The following CAMKK2 variants were observed in gnomAD, a reference collection of about 807,000 sequenced individuals.
CAMKK2 encodes the protein calcium/calmodulin dependent protein kinase kinase 2.
In CAMKK2, 30 loss-of-function variants were observed where a neutral mutation model predicts 67.2. That is an observed-to-expected ratio of 0.45 (90% CI 0.33 to 0.61). CAMKK2 has a LOEUF of 0.61. CAMKK2 is among the 20% of genes least tolerant of loss of function. The probability of loss-of-function intolerance (pLI) is 0.02; values close to 1 mark genes in which losing one functional copy is unlikely to be tolerated. For synonymous variants in CAMKK2, 322 were observed against 326.2 expected (o/e 0.99, Z 0.14); for missense variants, 643 against 802.0 (o/e 0.80, Z 2.39).
intron 13 of CAMKK2, among the ~76,000 whole-genome samples, 157 bp from the exon 14 acceptor site, chr12:121,248,891 G>A (rs1890060976): frequency 6.6e-6 from 1 of 152,234 alleles, no homozygotes; most frequent in Non-Finnish European, 1.5e-5. Context: ...GGTGAGCAAA[G>A]GGGCGGAAAC....
At chr12:121,260,719 G>A (rs1390360182) in intron 6 of CAMKK2, among the ~76,000 whole-genome samples, 1 of 152,086 alleles carries the variant, frequency 6.6e-6, no homozygotes, top group Non-Finnish European at 1.5e-5. Context: ...TTGGGAGGCC[G>A]AGGCGGGCGG....
chr12:121,282,459 A>G (rs1243678813), intron 1 of CAMKK2, among the ~76,000 whole-genome samples: 2 of 152,166 alleles, frequency 1.3e-5, no homozygotes, highest in African/African-American at 4.8e-5. Flanking sequence ...GAGATTATGA[A>G]GTTAAAATGA....
At chr12:121,255,730 A>C in intron 8 of CAMKK2, 53 bp downstream of exon 8, 1 of 1,609,814 alleles carries the variant, frequency 6.2e-7, no homozygotes, top group Non-Finnish European at 8.5e-7. Flanking sequence ...TCACTCAGCT[A>C]TGCAGCTACA....
chr12:121,268,018 C>T (rs918926416), intron 5 of CAMKK2, among the ~76,000 whole-genome samples: 5 of 145,508 alleles, frequency 3.4e-5, no homozygotes, highest in Admixed American at 1.4e-4. Flanking sequence ...TTCAAGACCC[C>T]TCTGTGTTGG....
intron 5 of CAMKK2, among the ~76,000 whole-genome samples, chr12:121,265,827 C>T (rs1350688167): frequency 6.6e-6 from 1 of 151,616 alleles, no homozygotes; most frequent in African/African-American, 2.4e-5. Context: ...CACTGTACTC[C>T]AGCCTGGTGA....
chr12:121,257,757 G>A (rs1892632254), intron 7 of CAMKK2, among the ~76,000 whole-genome samples: 1 of 152,122 alleles, frequency 6.6e-6, no homozygotes, highest in Non-Finnish European at 1.5e-5. Flanking sequence ...AGGCAATGCT[G>A]CTAAGGTACA....
chr12:121,291,985 G>C (rs983019167), intron 1 of CAMKK2, among the ~76,000 whole-genome samples: 5 of 151,976 alleles, frequency 3.3e-5, no homozygotes, highest in African/African-American at 7.2e-5. Flanking sequence ...GAACCCAGGA[G>C]CTGGAGGTTG....
upstream of CAMKK2, chr12:121,297,688 CA>C (rs1268340975): frequency 1.9e-6 from 1 of 518,076 alleles, no homozygotes; most frequent in Admixed American, 1.9e-5. Context: ...GCCAAACAGC[CA>C]AAAGGGAATC....
Position 121,274,140 on chromosome 12 carries a change from T to C in CAMKK2, c.387A>G (p.Ser129=). The change falls in exon 2 of 17, where the codon TCA becomes TCG. Residue 129 remains serine (S), a synonymous_variant. Transcript: ENST00000404169. ...GCGAGGACTGCGGGGAGCTGACGGG[T>C]GAGTAGGGCAGGGACGGGCAGATGC... ...GRCICPSLPY[S]PVSSPQSSPR... The C allele has an allele frequency of 6.3e-7, 1 of 1,581,994 alleles. No homozygotes were observed. Among genetic ancestry groups the C allele is most frequent in the Non-Finnish European group, 8.6e-7 (1 of 1,162,410 alleles).
chr12:121,281,134 T>C (rs1897706177), intron 1 of CAMKK2, among the ~76,000 whole-genome samples: 1 of 152,254 alleles, frequency 6.6e-6, no homozygotes, highest in African/African-American at 2.4e-5. Flanking sequence ...TGTCCCTTTA[T>C]TTCTCAAGCC....
chr12:121,291,595 G>T (rs1391677456), intron 1 of CAMKK2, among the ~76,000 whole-genome samples: 1 of 152,194 alleles, frequency 6.6e-6, no homozygotes, highest in Non-Finnish European at 1.5e-5. Context: ...CAGAAAGTAG[G>T]CTGGTGGTTG....
chr12:121,274,193 C>A lies in CAMKK2; in HGVS notation c.334G>T (p.Gly112Cys). ...QERSQGGLAA[G>C]GSLDMNGRCI... is the part of the protein sequence containing the mutation. ...CGTCCGTTCATGTCCAGGCTGCCAC[C>A]GGCTGCCAGCCCACCCTGGGACCGC... The change falls in exon 2 of 17, where the codon GGT becomes TGT. Residue 112 changes from glycine (G) to cysteine (C), a missense_variant. Physicochemically the swap from Gly to Cys is radical, Grantham distance 159. Transcript: ENST00000404169. 6.2e-7 allele frequency: 1 copy of A among 1,601,008 alleles called. No homozygotes were observed.
intron 5 of CAMKK2, among the ~76,000 whole-genome samples, chr12:121,265,135 T>A (rs1447487731): frequency 6.6e-6 from 1 of 152,080 alleles, no homozygotes; most frequent in Non-Finnish European, 1.5e-5. Context: ...GTCACAAGGA[T>A]GTACAGACCC....
rs1566058186 is a variant in CAMKK2 at position 121,255,234 on chromosome 12, TTTTATATATATATAATTA to T, written c.907+298_907+315del. On this transcript the variant is annotated intron_variant, in intron 9 of 16. Transcript: ENST00000404169. ...TATATATAATTTTATATATATATAA[TTTTATATATATATAATTA>T]TATATATAATTTTATATATATATAA... Among the ~76,000 whole-genome samples the T allele has an allele frequency of 2.0e-3, 10 of 5,036 alleles. 3 individuals carry two copies. The highest frequency in any genetic ancestry group is 0.013 in the Admixed American group (5 of 382). The allele number at this position is 5,036 out of a possible 152,430, so 3.3% of individuals were successfully genotyped here.
chr12:121,268,752 G>T, intron 4 of CAMKK2, 63 bp from the exon 5 acceptor site: 1 of 1,512,600 alleles, frequency 6.6e-7, no homozygotes. Flanking sequence ...AGGAAAAGGG[G>T]AAGGAGGGCG....
At chr12:121,269,786 T>A (rs963766779) in intron 3 of CAMKK2, 1 of 541,142 alleles carries the variant, frequency 1.8e-6, no homozygotes, top group Non-Finnish European at 3.3e-6. Flanking sequence ...CAGTGGCTCA[T>A]ACCTGTAATC....
upstream of CAMKK2, chr12:121,297,475 G>A: frequency 2.5e-6 from 1 of 406,290 alleles, no homozygotes; most frequent in Non-Finnish European, 5.0e-6. Context: ...TTTCCAGATG[G>A]CTACTTAGAT....
Position 121,296,320 on chromosome 12 carries a change from G to A in CAMKK2, c.-60+318C>T, listed in dbSNP as rs1396329069. On this transcript the variant is annotated intron_variant, in intron 1 of 16. Coordinates refer to ENST00000404169, the MANE Select transcript of CAMKK2 (RefSeq NM_001270485.2). The surrounding 1 kb of genome is among the most constrained non-coding windows in gnomAD (Gnocchi z 7.1). The stretch of plus-strand genomic sequence containing the variant: ...CGCCTCCACGAACCCTGACGGACCC[G>A]GCCCCCGGTGACCCCGGTTCCAAAC... Among the ~76,000 whole-genome samples, 2 of 152,162 alleles carry A rather than the reference G, an allele frequency of 1.3e-5. No individual in the cohort carries two copies. Among genetic ancestry groups the A allele is most frequent in the African/African-American group, 2.4e-5 (1 of 41,454 alleles).
At chr12:121,263,316 C>T (rs1211189535) in intron 6 of CAMKK2, among the ~76,000 whole-genome samples, 1 of 151,894 alleles carries the variant, frequency 6.6e-6, no homozygotes, top group Non-Finnish European at 1.5e-5. Context: ...ACCATGTTGG[C>T]CAGGCTGGTC....
Sources: allele counts gnomAD v4.1 joint callset (sites outside exome capture counted in the v4.1 genomes callset), GRCh38; gene constraint gnomAD v4.1.1; non-coding constraint Gnocchi (gnomAD v3.1); transcripts MANE v1.5; gene names NCBI Gene and HGNC (gene_info 2026-07-23, HGNC 2026-07-21).